Variants in ETV6 observed in about 807,000 individuals in gnomAD.
ETV6 encodes the protein ETS variant transcription factor 6, also known as transcription factor ETV6.
A neutral mutation model predicts 51.1 loss-of-function variants in ETV6; 16 were observed. The ratio of observed to expected loss-of-function variants is 0.31; its 90% CI spans 0.21 to 0.48. The LOEUF (loss-of-function observed/expected upper bound fraction) is 0.48, where lower values mean the gene tolerates loss of function less well. Among genes scored for constraint, ETV6 ranks in the 20% least tolerant of loss-of-function variants. The pLI, the probability that ETV6 is intolerant of heterozygous loss-of-function variation, is 0.99. For synonymous variants in ETV6, 240 were observed against 224.1 expected, an observed-to-expected ratio of 1.07 and a Z score of -0.64; for missense variants, 458 against 594.8, an observed-to-expected ratio of 0.77 and a Z score of 2.39.
intron 5 of ETV6, among the ~76,000 whole-genome samples, chr12:11,880,455 T>C (rs923905809): frequency 4.6e-5 from 7 of 152,314 alleles, no homozygotes; most frequent in Admixed American, 4.6e-4. Flanking sequence ...AGGTCCTAGT[T>C]TGATGCCTCC....
chr12:11,721,819 C>T (rs1245287929), intron 1 of ETV6, among the ~76,000 whole-genome samples: 1 of 152,184 alleles, frequency 6.6e-6, no homozygotes, highest in African/African-American at 2.4e-5. Flanking sequence ...CATTAGTTTC[C>T]TTATTTTTCT....
At chr12:11,760,048 A>T (rs1945062850) in intron 2 of ETV6, among the ~76,000 whole-genome samples, 2 of 152,174 alleles carry the variant, frequency 1.3e-5, no homozygotes, top group Admixed American at 1.3e-4. Context: ...TCTGATTCTC[A>T]GTTGCCTGTA....
At chr12:11,814,960 C>T (rs1170018837) in intron 2 of ETV6, among the ~76,000 whole-genome samples, 1 of 152,052 alleles carries the variant, frequency 6.6e-6, no homozygotes, top group Non-Finnish European at 1.5e-5. Flanking sequence ...GCAGCTTCAG[C>T]GCAGAAAACC....
intron 1 of ETV6, among the ~76,000 whole-genome samples, chr12:11,691,448 T>G (rs1349017652): frequency 6.6e-6 from 1 of 152,216 alleles, no homozygotes; most frequent in Non-Finnish European, 1.5e-5. Context: ...CTATGTTTCC[T>G]TTTCTGCATA....
At chr12:11,812,135 C>T (rs997932231) in intron 2 of ETV6, among the ~76,000 whole-genome samples, 3 of 152,174 alleles carry the variant, frequency 2.0e-5, no homozygotes, top group East Asian at 1.9e-4. Flanking sequence ...TCTTCTTGCA[C>T]TTGTTCAGAA....
At chr12:11,810,484 C>T (rs1377684296) in intron 2 of ETV6, among the ~76,000 whole-genome samples, 1 of 152,174 alleles carries the variant, frequency 6.6e-6, no homozygotes. Context: ...AACCAAGCAT[C>T]TGTGTGCCAT....
chr12:11,769,601 CTT>C (rs1319260487), intron 2 of ETV6, among the ~76,000 whole-genome samples: 4 of 152,308 alleles, frequency 2.6e-5, no homozygotes, highest in Admixed American at 2.6e-4. Context: ...TAATCTTTCA[CTT>C]TAATCTTTCA....
chr12:11,780,894 T>G (rs1317963900), intron 2 of ETV6, among the ~76,000 whole-genome samples: 2 of 152,246 alleles, frequency 1.3e-5, no homozygotes, highest in African/African-American at 2.4e-5. Context: ...GTGGAAGCTT[T>G]CTTCATGGCG....
intron 1 of ETV6, among the ~76,000 whole-genome samples, chr12:11,684,706 C>G (rs1324366355): frequency 3.3e-5 from 5 of 152,126 alleles, no homozygotes. Flanking sequence ...AAAAACCAAG[C>G]AAGCAAAATG....
intron 2 of ETV6, among the ~76,000 whole-genome samples, chr12:11,788,168 A>G (rs1305446427): frequency 6.6e-6 from 1 of 152,260 alleles, no homozygotes; most frequent in Non-Finnish European, 1.5e-5. Flanking sequence ...CATCATTTCC[A>G]TAGGATTAGG....
chr12:11,802,329 T>C (rs1161317257), intron 2 of ETV6, among the ~76,000 whole-genome samples: 1 of 152,210 alleles, frequency 6.6e-6, no homozygotes, highest in Non-Finnish European at 1.5e-5. Context: ...CATGGTTAAA[T>C]GGACTGCTTA....
chr12:11,733,126 G>A (rs2120984789), intron 1 of ETV6, among the ~76,000 whole-genome samples: 1 of 152,212 alleles, frequency 6.6e-6, no homozygotes, highest in South Asian at 2.1e-4. Flanking sequence ...TAACCACTTT[G>A]GGCTGGGCGC....
chr12:11,735,473 C>T (rs531363381), intron 1 of ETV6, among the ~76,000 whole-genome samples: 2 of 152,170 alleles, frequency 1.3e-5, no homozygotes, highest in South Asian at 4.1e-4. Flanking sequence ...AAAGTTGTCA[C>T]CCTAATAAAC....
At chr12:11,650,376 C>T (rs1198676925) in intron 1 of ETV6, among the ~76,000 whole-genome samples, 11 of 137,548 alleles carry the variant, frequency 8.0e-5, no homozygotes, top group African/African-American at 2.8e-4. Context: ...GCCGGCTCCT[C>T]GGCCCCCACC....
intron 1 of ETV6, among the ~76,000 whole-genome samples, chr12:11,705,036 C>T (rs1034121168): frequency 3.3e-5 from 5 of 151,966 alleles, no homozygotes; most frequent in Admixed American, 6.6e-5. Flanking sequence ...TGGTTAATGC[C>T]GGTGGAAATG....
chr12:11,735,086 C>CTTTT (rs58797937), intron 1 of ETV6, among the ~76,000 whole-genome samples: 989 of 76,232 alleles, frequency 0.013, 184 homozygotes, highest in African/African-American at 0.044. Context: ...GCAAGGTGGC[C>CTTTT]TTTTTTTTTT....
chr12:11,891,237 G>A lies in ETV6; in HGVS notation c.*191G>A. On this transcript the variant is annotated 3_prime_UTR_variant, in exon 8 of 8. Coordinates refer to ENST00000396373, the MANE Select transcript of ETV6 (RefSeq NM_001987.5). ...TTAGACAAACTACCCAGCACAGGCGGGGCTGGAATTCTGGCGGAGGGCATG... is the reference window on the plus strand; with the variant it reads ...TTAGACAAACTACCCAGCACAGGCGAGGCTGGAATTCTGGCGGAGGGCATG... 1 of 529,222 alleles carries A rather than the reference G, an allele frequency of 1.9e-6. No homozygotes were observed. The highest frequency in any genetic ancestry group is 3.2e-5 in the East Asian group (1 of 31,412). The allele number at this position is 529,222 out of a possible 1,614,324, so 32.8% of individuals were successfully genotyped here.
rs34458275 is a variant in ETV6, at chr12:11,667,696, ATTTTTTTTTTT to A, written c.33+17550_33+17560del. Among the ~76,000 whole-genome samples the A allele has an allele frequency of 2.3e-3, 171 of 72,996 alleles. 5 individuals are homozygous for A. The highest frequency in any genetic ancestry group is 2.2e-3 in the Non-Finnish European group (87 of 39,068). 47.9% of individuals were successfully genotyped at this position (72,996 alleles called of 152,430 possible). On this transcript the variant is annotated intron_variant, in intron 1 of 7. Coordinates refer to ENST00000396373, the MANE Select transcript of ETV6 (RefSeq NM_001987.5). ...AGGTGTGTGCCACGATACCTGGCTA[ATTTTTTTTTTT>A]TTTTTTTTTTTTTGAGATGGAGTCT...
intron 1 of ETV6, among the ~76,000 whole-genome samples, chr12:11,734,529 G>GAAAAAAAAAAAAAA (rs369367648): frequency 1.6e-5 from 2 of 126,340 alleles, no homozygotes; most frequent in Non-Finnish European, 1.7e-5. Context: ...AAAAAAAAAA[G>GAAAAAAAAAAAAAA]AAAAAAAAAA....
Sources: gnomAD v4.1 joint callset for allele counts (sites outside exome capture counted in the v4.1 genomes callset) on GRCh38, gnomAD v4.1.1 for gene constraint, MANE v1.5 for transcripts, NCBI Gene and HGNC (gene_info 2026-07-23, HGNC 2026-07-21) for gene names.